PTPRE: variants seen among roughly 807,000 people sequenced by gnomAD.
PTPRE encodes the protein receptor-type tyrosine-protein phosphatase epsilon.
Under a neutral mutation model 102.0 loss-of-function variants are expected in PTPRE, and 51 were observed. That is an observed-to-expected ratio of 0.50 (90% CI 0.40 to 0.63). The LOEUF (loss-of-function observed/expected upper bound fraction) is 0.63, where lower values mean the gene tolerates loss of function less well. Ranked by LOEUF, PTPRE falls within the 30% of genes least tolerant of loss-of-function variation. The probability of loss-of-function intolerance (pLI) is 0.00; values close to 1 mark genes in which losing one functional copy is unlikely to be tolerated. For missense variants in PTPRE, 752 were observed against 915.1 expected (o/e 0.82, Z 2.30); for synonymous variants, 345 against 348.2 (o/e 0.99, Z 0.10).
chr10:127,951,012 G>T (rs945878256), intron 1 of PTPRE, among the ~76,000 whole-genome samples: 2 of 152,080 alleles, frequency 1.3e-5, no homozygotes, highest in African/African-American at 4.8e-5. Flanking sequence ...CAGGAGAATG[G>T]CTTGCAGTGA....
chr10:127,985,359 G>A (rs1003788822), intron 2 of PTPRE, among the ~76,000 whole-genome samples: 2 of 152,248 alleles, frequency 1.3e-5, no homozygotes, highest in Non-Finnish European at 2.9e-5. Flanking sequence ...AAGGCAGGTG[G>A]ATCATTTGAG....
At chr10:127,945,033 T>C (rs1848529065) in intron 1 of PTPRE, among the ~76,000 whole-genome samples, 1 of 152,152 alleles carries the variant, frequency 6.6e-6, no homozygotes, top group Non-Finnish European at 1.5e-5. Flanking sequence ...GTTGTGACTG[T>C]CATGGGCCAG....
chr10:128,022,995 C>T (rs943112817), intron 2 of PTPRE, among the ~76,000 whole-genome samples: 1 of 152,184 alleles, frequency 6.6e-6, no homozygotes, highest in Non-Finnish European at 1.5e-5. Flanking sequence ...GAGTAGAGAG[C>T]GCCATCTGCA....
intron 1 of PTPRE, among the ~76,000 whole-genome samples, chr10:127,978,375 C>G (rs1324600163): frequency 6.6e-6 from 1 of 151,756 alleles, no homozygotes; most frequent in Non-Finnish European, 1.5e-5. Context: ...CCTGTCTCTA[C>G]AAAAAATACA....
chr10:128,081,413 G>A (rs1298828691), intron 20 of PTPRE, among the ~76,000 whole-genome samples: 1 of 152,148 alleles, frequency 6.6e-6, no homozygotes, highest in Non-Finnish European at 1.5e-5. Flanking sequence ...TGTATCATCC[G>A]AGCACACTCC....
chr10:127,977,827 T>G (rs1287594038), intron 1 of PTPRE, among the ~76,000 whole-genome samples: 1 of 152,192 alleles, frequency 6.6e-6, no homozygotes, highest in Admixed American at 6.5e-5. Context: ...GGATTTCCCC[T>G]GTTCCGATGT....
chr10:128,068,137 C>T lies in PTPRE; in HGVS notation c.858C>T (p.Gly286=). 1 of 1,612,924 alleles carries T rather than the reference C, an allele frequency of 6.2e-7. No individual in the cohort carries two copies. Among genetic ancestry groups the T allele is most frequent in the Non-Finnish European group, 8.5e-7 (1 of 1,179,272 alleles). Residue 286 remains glycine (G), a synonymous_variant, in exon 12 of 21, where the codon GGC becomes GGT. Coordinates refer to ENST00000254667, the MANE Select transcript of PTPRE (RefSeq NM_006504.6). The part of the protein sequence containing the change: ...KFCIQPQLPD[G]CKAPRLVSQL... The stretch of plus-strand genomic sequence containing the variant: ...GTCCCCCGCAGCAGCTCCCCGACGG[C>T]TGCAAAGCCCCCAGGCTGGTCTCAC...
intron 1 of PTPRE, among the ~76,000 whole-genome samples, chr10:127,910,590 G>T (rs931600907): frequency 4.6e-5 from 7 of 152,188 alleles, no homozygotes; most frequent in Non-Finnish European, 1.0e-4. Flanking sequence ...TCTGACTCTG[G>T]TGTGACCTTG....
At position 127,953,760 on chromosome 10, in the gene PTPRE, C is replaced by T. The variant is rs116237581; in HGVS notation, c.-30-28514C>T. Among the ~76,000 whole-genome samples, 533 of 152,320 alleles carry T rather than the reference C, an allele frequency of 3.5e-3. 5 individuals are homozygous for T. The highest frequency in any genetic ancestry group is 0.012 in the African/African-American group (512 of 41,566). The stretch of plus-strand genomic sequence containing the variant: ...GGCACCACCAGGAAGTGGACAGCTG[C>T]AGCACTATAGCCCCTTTCTGGGATG... On this transcript the variant is annotated intron_variant, in intron 1 of 20. Coordinates refer to ENST00000254667, the MANE Select transcript of PTPRE (RefSeq NM_006504.6).
At chr10:127,991,356 T>C (rs1182977925) in intron 2 of PTPRE, among the ~76,000 whole-genome samples, 2 of 152,244 alleles carry the variant, frequency 1.3e-5, no homozygotes, top group Admixed American at 6.5e-5. Context: ...GGCTGTATAT[T>C]TTCCGCCTGC....
intron 1 of PTPRE, among the ~76,000 whole-genome samples, chr10:127,949,565 A>G (rs1386709563): frequency 6.6e-6 from 1 of 152,240 alleles, no homozygotes; most frequent in East Asian, 1.9e-4. Context: ...TAGAGACTTT[A>G]TACCTGATAC....
At chr10:128,030,397 GA>G (rs138881167) in intron 2 of PTPRE, among the ~76,000 whole-genome samples, 6,126 of 152,212 alleles carry the variant, frequency 0.04, 174 homozygotes, top group Middle Eastern at 0.088. Flanking sequence ...AGAGGGAGGG[GA>G]AAGAGAGAGA....
rs761386851 is a variant in PTPRE, at chr10:128,070,170, T to C, written c.1144-131T>C. ...TTATCCGTGGCCGGTACTCTGACTC[T>C]TGCCTCACACCTCCTTGTGTTGGCA... On this transcript the variant is annotated intron_variant, in intron 13 of 20. Transcript: ENST00000254667. This position sits in a 1 kb window ranked among gnomAD's most constrained non-coding sequence, Gnocchi z 4.8. 7.2e-6 allele frequency: 8 copies of C among 1,117,976 alleles called. No individual in the cohort carries two copies. Among genetic ancestry groups the C allele is most frequent in the Non-Finnish European group, 1.0e-5 (8 of 791,426 alleles). The allele number at this position is 1,117,976 out of a possible 1,614,324, so 69.3% of individuals were successfully genotyped here.
intron 10 of PTPRE, among the ~76,000 whole-genome samples, chr10:128,064,924 A>T (rs1387608341): frequency 1.3e-5 from 2 of 152,088 alleles, no homozygotes; most frequent in Admixed American, 6.5e-5. Context: ...GGGGTATAAA[A>T]CCAGCCACCA....
At chr10:128,025,158 CAAAAAAAAAAAA>C (rs71472683) in intron 2 of PTPRE, among the ~76,000 whole-genome samples, 1 of 65,798 alleles carries the variant, frequency 1.5e-5, no homozygotes, top group Non-Finnish European at 2.7e-5. Context: ...GATCCTGTCT[CAAAAAAAAAAAA>C]AAAAAAAAAA....
In PTPRE at chr10:128,040,920, C is replaced by T. The variant is rs1564915117; in HGVS notation, c.39C>T (p.Ser13=). ...GTCCACTCCTGCTGGTGGGTTTTAG[C>T]TTGCCGCTCGCCAGGGCTCTCAGGG... ...PLCPLLLVGF[S]LPLARALRGN... Residue 13 remains serine (S), a synonymous_variant, in exon 3 of 21, where the codon AGC becomes AGT. Transcript: ENST00000254667. 3 of 1,614,114 alleles carry T rather than the reference C, an allele frequency of 1.9e-6. No individual in the cohort carries two copies. Among genetic ancestry groups the T allele is most frequent in the Non-Finnish European group, 2.5e-6 (3 of 1,179,998 alleles).
In PTPRE at chr10:128,084,277, A is replaced by G. The variant is rs1851942580; in HGVS notation, c.*1371A>G. The G allele has an allele frequency of 6.7e-6, 1 of 150,252 alleles. No individual in the cohort carries two copies. The highest frequency in any genetic ancestry group is 2.5e-5 in the African/African-American group (1 of 40,580). The allele number at this position is 150,252 out of a possible 1,614,324, so 9.3% of individuals were successfully genotyped here. ...ATATCTGGCCTACCTTACTACTAAA[A>G]GCATTTAACACGTGCATTTTTGGTA... On this transcript the variant is annotated 3_prime_UTR_variant, in exon 21 of 21. Coordinates refer to ENST00000254667, the MANE Select transcript of PTPRE (RefSeq NM_006504.6).
rs1844645059 is a variant in PTPRE, at chr10:128,008,024, A to G, written c.-8+25728A>G. On this transcript the variant is annotated intron_variant, in intron 2 of 20. Transcript: ENST00000254667. The surrounding 1 kb of genome is among the most constrained non-coding windows in gnomAD (Gnocchi z 4.0). ...GCTTCTCATCACACCTGCTGCTTAC[A>G]GGGGTTGCACTGGGGCTGGTAGTCA... 6.6e-6 allele frequency among the ~76,000 whole-genome samples: 1 copy of G among 152,144 alleles called. No homozygotes were observed. The highest frequency in any genetic ancestry group is 2.4e-5 in the African/African-American group (1 of 41,420).
At chr10:127,977,436 C>T (rs1277031617) in intron 1 of PTPRE, among the ~76,000 whole-genome samples, 2 of 152,180 alleles carry the variant, frequency 1.3e-5, no homozygotes, top group Non-Finnish European at 2.9e-5. Context: ...GGTTGCTACT[C>T]GTTTAAAAGA....
Sources: allele counts gnomAD v4.1 joint callset (sites outside exome capture counted in the v4.1 genomes callset), GRCh38; gene constraint gnomAD v4.1.1; non-coding constraint Gnocchi (gnomAD v3.1); transcripts MANE v1.5; gene names NCBI Gene and HGNC (gene_info 2026-07-23, HGNC 2026-07-21).